ATR: variants seen among roughly 807,000 people sequenced by gnomAD.
ATR encodes ATR checkpoint kinase.
A neutral mutation model predicts 305.3 loss-of-function variants in ATR; 142 were observed. The ratio of observed to expected loss-of-function variants is 0.47; its 90% CI spans 0.41 to 0.53. The LOEUF (loss-of-function observed/expected upper bound fraction) is 0.53. ATR is among the 20% of genes least tolerant of loss of function. The pLI is 0.00. For synonymous variants in ATR, 1,050 were observed against 1,068.1 expected (o/e 0.98, Z 0.33); for missense variants, 2,135 against 3,133.1 (o/e 0.68, Z 7.60).
chr3:142,480,074 T>C (rs1391155425), intron 36 of ATR, among the ~76,000 whole-genome samples: 3 of 152,230 alleles, frequency 2.0e-5, no homozygotes, highest in Non-Finnish European at 4.4e-5. Flanking sequence ...TCTGAAGCCT[T>C]CTTCTCTCAA....
intron 30 of ATR, among the ~76,000 whole-genome samples, chr3:142,502,983 C>A (rs928476366): frequency 6.6e-6 from 1 of 152,190 alleles, no homozygotes; most frequent in Non-Finnish European, 1.5e-5. Flanking sequence ...AATCAATGCA[C>A]ACAGTCTACA....
intron 17 of ATR, 62 bp from the exon 18 acceptor site, chr3:142,541,096 C>A (rs2108438502): frequency 6.3e-7 from 1 of 1,585,060 alleles, no homozygotes; most frequent in Non-Finnish European, 8.7e-7. Flanking sequence ...AGCAGATGAG[C>A]CCTAAGGACA....
chr3:142,470,064 A>C (rs2108280614), intron 37 of ATR, 22 bp downstream of exon 37: 1 of 1,560,740 alleles, frequency 6.4e-7, no homozygotes, highest in South Asian at 1.1e-5. Flanking sequence ...GTCCTTTAAA[A>C]CTTTTACGTG....
intron 38 of ATR, among the ~76,000 whole-genome samples, chr3:142,468,417 T>C (rs1025407643): frequency 3.3e-5 from 5 of 152,084 alleles, no homozygotes; most frequent in South Asian, 2.1e-4. Context: ...GAATTTTATA[T>C]ATTAAAATTA....
intron 41 of ATR, among the ~76,000 whole-genome samples, chr3:142,462,792 T>G (rs778268304): frequency 2.0e-5 from 3 of 152,184 alleles, no homozygotes; most frequent in Non-Finnish European, 4.4e-5. Flanking sequence ...CTAAAATACA[T>G]AAACAAAAGA....
chr3:142,462,135 A>C (rs1450027823), intron 41 of ATR, 45 bp from the exon 42 acceptor site: 1 of 1,543,864 alleles, frequency 6.5e-7, no homozygotes, highest in Non-Finnish European at 8.9e-7. Context: ...TAGAACTCAA[A>C]ATTTCTAAAT....
At chr3:142,451,048 C>A in intron 46 of ATR, 1 of 1,274,946 alleles carries the variant, frequency 7.8e-7, no homozygotes, top group South Asian at 1.4e-5. Context: ...ATGAATCATC[C>A]CTGGAGCTCC....
intron 40 of ATR, among the ~76,000 whole-genome samples, chr3:142,466,015 A>G (rs538596729): frequency 2.3e-4 from 35 of 151,742 alleles, no homozygotes; most frequent in African/African-American, 8.4e-4. Flanking sequence ...GTTTCCAAAA[A>G]AAAAAAAAAA....
chr3:142,556,113 A>G lies in ATR; in HGVS notation c.2105T>C (p.Ile702Thr), dbSNP rs1451080831. The change falls in exon 10 of 47, where the codon ATT becomes ACT. Residue 702 changes from isoleucine to threonine, a missense_variant. By Grantham distance (89) the Ile-to-Thr change is moderately conservative. Around this residue, in one of 9 missense-constraint regions of ATR, gnomAD observed 744 missense variants for 873.2 expected, o/e 0.85. Transcript: ENST00000350721. ...TATAGAAGCAAATTCTTTCTTGACAATGTCAGAATCATCTTTGACTTTATC... is the reference window on the plus strand; with the variant it reads ...TATAGAAGCAAATTCTTTCTTGACAGTGTCAGAATCATCTTTGACTTTATC... ...LIDKVKDDSDIVKKEFASILG... is the reference protein window; with the variant it reads ...LIDKVKDDSDTVKKEFASILG... The G allele has an allele frequency of 1.2e-6, 2 of 1,613,128 alleles. No individual in the cohort carries two copies. Among genetic ancestry groups the G allele is most frequent in the African/African-American group, 2.7e-5 (2 of 75,038 alleles).
At chr3:142,534,840 A>G (rs1453268295) in intron 21 of ATR, among the ~76,000 whole-genome samples, 1 of 152,180 alleles carries the variant, frequency 6.6e-6, no homozygotes, top group Non-Finnish European at 1.5e-5. Context: ...AAGATGCAGT[A>G]ACCTAAAATA....
rs772598840 is a variant in ATR at position 142,469,503 on chromosome 3, T to A, written c.6386A>T (p.His2129Leu). ...LGKINKVITEHTNYLAPYQFL... is the reference protein window; with the variant it reads ...LGKINKVITELTNYLAPYQFL... ...TTGATATGGAGCTAAATAGTTTGTA[T>A]GCTCTGTGATAACCTTGTTTATTTT... Residue 2129 changes from histidine to leucine, a missense_variant, in exon 38 of 47, where the codon CAT becomes CTT. Around this residue, in one of 9 missense-constraint regions of ATR, gnomAD observed 462 missense variants for 887.6 expected, o/e 0.52. Coordinates refer to ENST00000350721, the MANE Select transcript of ATR (RefSeq NM_001184.4). The A allele has an allele frequency of 6.2e-7, 1 of 1,613,958 alleles. No individual in the cohort carries two copies. The highest frequency in any genetic ancestry group is 1.7e-5 in the Admixed American group (1 of 59,974).
chr3:142,519,798 T>G lies in ATR; in HGVS notation c.4267-14A>C, dbSNP rs751277456. The G allele has an allele frequency of 5.2e-6, 8 of 1,539,086 alleles. No homozygotes were observed. The highest frequency in any genetic ancestry group is 7.2e-6 in the Non-Finnish European group (8 of 1,111,648). On this transcript the variant is annotated splice_polypyrimidine_tract_variant and intron_variant, in intron 23 of 46. Coordinates refer to ENST00000350721, the MANE Select transcript of ATR (RefSeq NM_001184.4). Reference sequence around the variant, plus strand: ...AGAAAGCAACTCCTACAAATACATATTTTACATTTGTAAGTCCACAGTGAA... The same window carrying G: ...AGAAAGCAACTCCTACAAATACATAGTTTACATTTGTAAGTCCACAGTGAA...
intron 36 of ATR, among the ~76,000 whole-genome samples, chr3:142,478,248 C>A (rs941338149): frequency 6.6e-6 from 1 of 152,152 alleles, no homozygotes; most frequent in Non-Finnish European, 1.5e-5. Context: ...TTTCCCTCTA[C>A]ACACTGCTTT....
chr3:142,518,701 A>G (rs2033015920), intron 24 of ATR, among the ~76,000 whole-genome samples: 1 of 152,224 alleles, frequency 6.6e-6, no homozygotes, highest in African/African-American at 2.4e-5. Context: ...GACTGTTAGT[A>G]TAAGTCTAGG....
intron 45 of ATR, among the ~76,000 whole-genome samples, chr3:142,456,562 ACC>A (rs2070912847): frequency 6.6e-6 from 1 of 152,008 alleles, no homozygotes; most frequent in African/African-American, 2.4e-5. Flanking sequence ...ACAGAGCGAA[ACC>A]CTGTCTCAAA....
chr3:142,492,747 A>C (rs1298386904), intron 35 of ATR, among the ~76,000 whole-genome samples: 3 of 152,140 alleles, frequency 2.0e-5, no homozygotes, highest in Non-Finnish European at 4.4e-5. Context: ...TTCCATTGAA[A>C]GTTTTCATTG....
intron 45 of ATR, among the ~76,000 whole-genome samples, chr3:142,456,241 G>A (rs1436194710): frequency 3.9e-5 from 6 of 151,948 alleles, no homozygotes; most frequent in East Asian, 1.9e-4. Flanking sequence ...CAGCCTGGGC[G>A]ACTCTGTCTC....
intron 46 of ATR, chr3:142,451,649 A>T: frequency 8.2e-7 from 1 of 1,221,674 alleles, no homozygotes; most frequent in Non-Finnish European, 1.0e-6. Context: ...GTGTCATCAT[A>T]GCTCACAGCA....
In ATR at chr3:142,562,134, A is replaced by C. The variant is rs550810753; in HGVS notation, c.1170+98T>G. The C allele has an allele frequency of 2.4e-5, 30 of 1,263,908 alleles. No individual in the cohort carries two copies. The African/African-American group carries it at 4.4e-4, about 19-fold the overall frequency. The allele number at this position is 1,263,908 out of a possible 1,614,324, so 78.3% of individuals were successfully genotyped here. A position where few individuals can be genotyped will look rare whatever the true frequency, so the allele number is the denominator to read the frequency against. On this transcript the variant is annotated intron_variant, in intron 4 of 46. Coordinates refer to ENST00000350721, the MANE Select transcript of ATR (RefSeq NM_001184.4). ...TGTTCCAAATATAAATTACTATTAA[A>C]GATATTCTATTTTCTTATTATTACA...
Sources: allele counts gnomAD v4.1 joint callset (sites outside exome capture counted in the v4.1 genomes callset), GRCh38; gene constraint gnomAD v4.1.1; regional missense constraint gnomAD v4.1.1; transcripts MANE v1.5; gene names NCBI Gene and HGNC (gene_info 2026-07-23, HGNC 2026-07-21).